Variants in CMIP observed in about 807,000 individuals in gnomAD.
CMIP encodes the protein c-Maf inducing protein.
In CMIP, 13 loss-of-function variants were observed where a neutral mutation model predicts 97.3. That is an observed-to-expected ratio of 0.13 (90% CI 0.09 to 0.21). CMIP has a LOEUF of 0.21. Ranked by LOEUF, CMIP falls within the 10% of genes least tolerant of loss-of-function variation. The pLI, the probability that CMIP is intolerant of heterozygous loss-of-function variation, is 1.00. For missense variants in CMIP, 847 were observed against 1,024.9 expected (o/e 0.83, Z 2.37); for synonymous variants, 538 against 436.3 (o/e 1.23, Z -2.91).
Position 81,563,306 on chromosome 16 carries a change from G to A in CMIP, c.301-44261G>A, listed in dbSNP as rs74711567. Among the ~76,000 whole-genome samples, 166 of 152,362 alleles carry A rather than the reference G, an allele frequency of 1.1e-3. 2 individuals are homozygous for A. Among genetic ancestry groups the A allele is most frequent in the African/African-American group, 3.9e-3 (161 of 41,582 alleles). On this transcript the variant is annotated intron_variant, in intron 1 of 20. Transcript: ENST00000537098. ...GGGGATCATGGGCTCATACCTTGGAGCCAGAAGTCCTGAGTTCAAATCCCA... is the reference window on the plus strand; with the variant it reads ...GGGGATCATGGGCTCATACCTTGGAACCAGAAGTCCTGAGTTCAAATCCCA...
intron 13 of CMIP, chr16:81,695,844 A>AG (rs1469758819): frequency 1.3e-5 from 2 of 153,050 alleles, no homozygotes; most frequent in African/African-American, 2.4e-5. Flanking sequence ...CCTTCAGTGG[A>AG]GGGGGACAAA....
chr16:81,640,031 C>T (rs2092284820), intron 3 of CMIP, among the ~76,000 whole-genome samples: 1 of 152,152 alleles, frequency 6.6e-6, no homozygotes, highest in African/African-American at 2.4e-5. Context: ...CCCATGGCTC[C>T]TCTTTGCCAG....
At chr16:81,528,158 A>G (rs62046595) in intron 1 of CMIP, among the ~76,000 whole-genome samples, 1 of 152,246 alleles carries the variant, frequency 6.6e-6, no homozygotes, top group Non-Finnish European at 1.5e-5. Context: ...TTTAAGTCTG[A>G]AATTTTTCAT....
rs1904477020 is a variant in CMIP at position 81,678,305 on chromosome 16, C to A, written c.1065C>A (p.Ile355=). 1 of 1,606,660 alleles carries A rather than the reference C, an allele frequency of 6.2e-7. No homozygotes were observed. The highest frequency in any genetic ancestry group is 1.1e-5 in the South Asian group (1 of 90,846). The part of the protein sequence containing the change: ...SRDNSPSLKE[I]RNGCQQPCDR... The stretch of plus-strand genomic sequence containing the variant: ...ACAATTCCCCAAGCCTGAAGGAAAT[C>A]CGGAACGGCTGCCAGCAGCCGTGCG... The change falls in exon 10 of 21, where the codon ATC becomes ATA. Residue 355 remains isoleucine (I), a synonymous_variant. Coordinates refer to ENST00000537098, the MANE Select transcript of CMIP (RefSeq NM_198390.3).
At chr16:81,640,910 G>A (rs2092298951) in intron 3 of CMIP, among the ~76,000 whole-genome samples, 1 of 152,104 alleles carries the variant, frequency 6.6e-6, no homozygotes, top group African/African-American at 2.4e-5. Flanking sequence ...CAGATACCGG[G>A]CTTAGGACTT....
rs372775639 is a variant in CMIP at position 81,597,283 on chromosome 16, T to C, written c.301-10284T>C. 1.6e-4 allele frequency among the ~76,000 whole-genome samples: 24 copies of C among 152,334 alleles called. No homozygotes were observed. In the East Asian group the frequency reaches 2.5e-3, roughly 16 times the overall value. ...TGCACTGTGTCTGTGCCAACACTTATCATTTTTCATCTTTTCCATTTGAGC... is the reference window on the plus strand; with the variant it reads ...TGCACTGTGTCTGTGCCAACACTTACCATTTTTCATCTTTTCCATTTGAGC... On this transcript the variant is annotated intron_variant, in intron 1 of 20. Transcript: ENST00000537098.
intron 4 of CMIP, among the ~76,000 whole-genome samples, chr16:81,653,693 A>G (rs1323771694): frequency 6.6e-6 from 1 of 151,938 alleles, no homozygotes; most frequent in African/African-American, 2.4e-5. Flanking sequence ...GCTCACTGCA[A>G]CCTCCGCCTC....
chr16:81,529,881 T>C (rs548967428), intron 1 of CMIP, among the ~76,000 whole-genome samples: 32 of 152,322 alleles, frequency 2.1e-4, no homozygotes, highest in African/African-American at 7.0e-4. Flanking sequence ...TGAGGCCGTG[T>C]TGGGCTCTGA....
chr16:81,478,022 C>G (rs1406905488), intron 1 of CMIP, among the ~76,000 whole-genome samples: 1 of 152,208 alleles, frequency 6.6e-6, no homozygotes, highest in African/African-American at 2.4e-5. Flanking sequence ...ATGAATCCCA[C>G]CCCACAGCAG....
Position 81,657,810 on chromosome 16 carries a change from C to T in CMIP, c.675C>T (p.Ile225=), listed in dbSNP as rs748404852. 95 of 1,606,934 alleles carry T rather than the reference C, an allele frequency of 5.9e-5. No individual in the cohort carries two copies. Among genetic ancestry groups the T allele is most frequent in the Non-Finnish European group, 5.8e-5 (68 of 1,176,780 alleles). Residue 225 remains isoleucine (I), a synonymous_variant, in exon 5 of 21, where the codon ATC becomes ATT. Transcript: ENST00000537098. ...TNLTTQEHEN[I]IVAIAPLLEN... ...TGACCACCCAGGAGCATGAAAACAT[C>T]ATTGTGGTAAGTTCCTCTCGAACAC...
chr16:81,463,419 A>G (rs953962716), intron 1 of CMIP, among the ~76,000 whole-genome samples: 14 of 152,362 alleles, frequency 9.2e-5, no homozygotes, highest in Non-Finnish European at 1.2e-4. Context: ...AAGCCAAAAA[A>G]AGGAGTTGAA....
intron 1 of CMIP, among the ~76,000 whole-genome samples, chr16:81,570,028 G>A (rs2091056416): frequency 6.6e-6 from 1 of 152,080 alleles, no homozygotes; most frequent in African/African-American, 2.4e-5. Context: ...AAAGCCAACT[G>A]TCCACCAGGC....
At chr16:81,683,937 T>C (rs1006410006) in intron 10 of CMIP, among the ~76,000 whole-genome samples, 4 of 150,834 alleles carry the variant, frequency 2.7e-5, no homozygotes, top group Admixed American at 2.6e-4. Context: ...ATTTTTGTAT[T>C]TTTAGTAGAG....
chr16:81,504,662 A>AAAAG (rs2089674585), intron 1 of CMIP, among the ~76,000 whole-genome samples: 1 of 142,598 alleles, frequency 7.0e-6, no homozygotes, highest in East Asian at 2.4e-4. Context: ...AAAAAAAAAA[A>AAAAG]AAAAGAAAAG....
chr16:81,677,273 G>C (rs1049438120), intron 9 of CMIP, among the ~76,000 whole-genome samples: 1 of 152,174 alleles, frequency 6.6e-6, no homozygotes, highest in African/African-American at 2.4e-5. Flanking sequence ...GGGTCCAGGA[G>C]ATCTGGCTTC....
chr16:81,498,369 C>G (rs1011277923), intron 1 of CMIP, among the ~76,000 whole-genome samples: 1 of 152,222 alleles, frequency 6.6e-6, no homozygotes, highest in African/African-American at 2.4e-5. Flanking sequence ...GGGCTGGGCA[C>G]AGGCCTGAGT....
At chr16:81,609,954 G>A (rs2091804500) in intron 2 of CMIP, among the ~76,000 whole-genome samples, 1 of 152,230 alleles carries the variant, frequency 6.6e-6, no homozygotes, top group Admixed American at 6.5e-5. Context: ...AAGGGGTAGA[G>A]GGACACTAGA....
At chr16:81,597,675 C>T (rs1461111707) in intron 1 of CMIP, among the ~76,000 whole-genome samples, 1 of 152,112 alleles carries the variant, frequency 6.6e-6, no homozygotes. Context: ...CCTCCACCAA[C>T]TCCGTGGGGC....
chr16:81,605,238 G>T (rs1282145753), intron 1 of CMIP, among the ~76,000 whole-genome samples: 2 of 152,214 alleles, frequency 1.3e-5, no homozygotes, highest in Non-Finnish European at 2.9e-5. Flanking sequence ...GTGTGACTTT[G>T]AGGCACGCTG....
Sources: gnomAD v4.1 joint callset for allele counts (sites outside exome capture counted in the v4.1 genomes callset) on GRCh38, gnomAD v4.1.1 for gene constraint, MANE v1.5 for transcripts, NCBI Gene and HGNC (gene_info 2026-07-23, HGNC 2026-07-21) for gene names.